CHIC2: variants seen among roughly 807,000 people sequenced by gnomAD.
CHIC2 encodes cysteine rich hydrophobic domain 2, also known as cysteine-rich hydrophobic domain-containing protein 2.
In CHIC2, 14 loss-of-function variants were observed where a neutral mutation model predicts 25.9. The observed-to-expected ratio is 0.54, with a 90% CI of 0.36 to 0.85. The LOEUF (loss-of-function observed/expected upper bound fraction) is 0.85, where lower values mean the gene tolerates loss of function less well. CHIC2 is among the 40% of genes least tolerant of loss of function. The pLI is 0.01. For synonymous variants in CHIC2, 70 were observed against 72.0 expected (o/e 0.97, Z 0.14); for missense variants, 146 against 202.0 (o/e 0.72, Z 1.68).
At chr4:54,026,886 T>C (rs1381810721) in intron 3 of CHIC2, among the ~76,000 whole-genome samples, 6 of 152,224 alleles carry the variant, frequency 3.9e-5, no homozygotes, top group African/African-American at 1.4e-4. Flanking sequence ...CATACATTTG[T>C]TGTTAATTTC....
At chr4:54,011,744 G>C (rs1715597933) in intron 5 of CHIC2, among the ~76,000 whole-genome samples, 1 of 151,794 alleles carries the variant, frequency 6.6e-6, no homozygotes, top group Non-Finnish European at 1.5e-5. Flanking sequence ...GCCACACATA[G>C]AGACTGGCCA....
At chr4:54,063,358 A>C (rs1457992510) in intron 1 of CHIC2, among the ~76,000 whole-genome samples, 2 of 152,192 alleles carry the variant, frequency 1.3e-5, no homozygotes, top group Non-Finnish European at 2.9e-5. Flanking sequence ...AAACATTACA[A>C]AACTTCCTGC....
chr4:54,035,290 T>C (rs1460871750), intron 3 of CHIC2, among the ~76,000 whole-genome samples: 1 of 152,220 alleles, frequency 6.6e-6, no homozygotes, highest in Non-Finnish European at 1.5e-5. Flanking sequence ...CTTGATTTTC[T>C]AGAAGAGTTT....
intron 3 of CHIC2, among the ~76,000 whole-genome samples, chr4:54,027,092 A>C (rs1716084660): frequency 6.6e-6 from 1 of 152,214 alleles, no homozygotes. Flanking sequence ...CTGGATGAAA[A>C]AACGAAGAAT....
At chr4:54,074,094 G>A in the CHIC2 span, among the ~76,000 whole-genome samples, 12 of 152,068 alleles carry the variant, frequency 7.9e-5, no homozygotes, top group Non-Finnish European at 4.4e-5. Context: ...GGAGGCGGAG[G>A]TTGCAGTGAG....
chr4:54,033,432 T>C (rs907246880), intron 3 of CHIC2, among the ~76,000 whole-genome samples: 4 of 152,194 alleles, frequency 2.6e-5, no homozygotes, highest in Admixed American at 6.5e-5. Flanking sequence ...CTTTATATAT[T>C]CTGGACAAAA....
chr4:54,018,011 G>C (rs999392983), intron 3 of CHIC2, among the ~76,000 whole-genome samples: 1 of 152,142 alleles, frequency 6.6e-6, no homozygotes, highest in African/African-American at 2.4e-5. Context: ...TGAGCAACAA[G>C]TAGTAGTAAC....
intron 3 of CHIC2, among the ~76,000 whole-genome samples, chr4:54,030,938 A>G (rs1403360567): frequency 6.6e-6 from 1 of 151,096 alleles, no homozygotes; most frequent in African/African-American, 2.4e-5. Context: ...CAGTGGCGCA[A>G]TCTTGGCTCA....
In CHIC2 at chr4:54,019,650, G is replaced by T. The variant is rs1336124154; in HGVS notation, c.331-5531C>A. 2.0e-5 allele frequency among the ~76,000 whole-genome samples: 3 copies of T among 152,060 alleles called. No individual in the cohort carries two copies. The East Asian group carries it at 5.8e-4, about 29-fold the overall frequency. On this transcript the variant is annotated intron_variant, in intron 3 of 5. Transcript: ENST00000263921. ...CACAAACATGCACAATTTAAAGGGG[G>T]TTATCTACTAACTCTGAGTACCATT...
intron 5 of CHIC2, among the ~76,000 whole-genome samples, 156 bp from the exon 6 acceptor site, chr4:54,010,301 T>C (rs1715545999): frequency 6.6e-6 from 1 of 152,094 alleles, no homozygotes; most frequent in South Asian, 2.1e-4. Flanking sequence ...AATGCAGAGT[T>C]CCATCACTGA....
intron 3 of CHIC2, among the ~76,000 whole-genome samples, chr4:54,023,750 T>G (rs540258898): frequency 6.6e-6 from 1 of 152,314 alleles, no homozygotes; most frequent in African/African-American, 2.4e-5. Context: ...CAAGGCGAAC[T>G]CATGCCTTAA....
chr4:54,057,055 A>T (rs1406011882), intron 1 of CHIC2, among the ~76,000 whole-genome samples: 1 of 152,164 alleles, frequency 6.6e-6, no homozygotes, highest in Non-Finnish European at 1.5e-5. Flanking sequence ...CAGTTATTTA[A>T]CCTCAGCCTA....
intron 3 of CHIC2, among the ~76,000 whole-genome samples, chr4:54,033,492 C>A (rs2110073104): frequency 6.6e-6 from 1 of 152,208 alleles, no homozygotes; most frequent in South Asian, 2.1e-4. Context: ...TCTTTAAATC[C>A]TCCAATAGTT....
Position 54,064,565 on chromosome 4 carries a change from A to G in CHIC2, c.-265T>C. On this transcript the variant is annotated 5_prime_UTR_variant, in exon 1 of 6. Transcript: ENST00000263921. This position sits in a 1 kb window ranked among gnomAD's most constrained non-coding sequence, Gnocchi z 4.2. ...GAGGCCGACACCTCCACAAGCACAG[A>G]CGCCGCTGCCGCCGCCGCAGCAGCA... is the stretch of plus-strand genomic sequence containing the variant. 1 of 1,276,130 alleles carries G rather than the reference A, an allele frequency of 7.8e-7. No homozygotes were observed. Among genetic ancestry groups the G allele is most frequent in the South Asian group, 1.9e-5 (1 of 51,340 alleles). The allele number at this position is 1,276,130 out of a possible 1,614,324, so 79.1% of individuals were successfully genotyped here.
chr4:54,037,998 C>CTACACATTTTTAT (rs1716445700), intron 3 of CHIC2, among the ~76,000 whole-genome samples: 1 of 151,730 alleles, frequency 6.6e-6, no homozygotes, highest in Non-Finnish European at 1.5e-5. Flanking sequence ...AAATTATATC[C>CTACACATTTTTAT]AAAGCAAGGA....
At chr4:54,034,946 A>G (rs574358498) in intron 3 of CHIC2, among the ~76,000 whole-genome samples, 2 of 152,310 alleles carry the variant, frequency 1.3e-5, no homozygotes, top group Admixed American at 6.5e-5. Flanking sequence ...TCAAGTATAC[A>G]TGCTGGATTT....
At position 54,064,371 on chromosome 4, in the gene CHIC2, G is replaced by C; in HGVS notation, c.-71C>G. 6.3e-7 allele frequency: 1 copy of C among 1,585,732 alleles called. No homozygotes were observed. The highest frequency in any genetic ancestry group is 8.6e-7 in the Non-Finnish European group (1 of 1,166,894). ...TTGGCGCCGGGGTACCGGCGGGCGAGGCGGCGGAGGCTGAGGGGAGTCGCC... is the reference window on the plus strand; with the variant it reads ...TTGGCGCCGGGGTACCGGCGGGCGACGCGGCGGAGGCTGAGGGGAGTCGCC... On this transcript the variant is annotated 5_prime_UTR_variant, in exon 1 of 6. Coordinates refer to ENST00000263921, the MANE Select transcript of CHIC2 (RefSeq NM_012110.4). This position sits in a 1 kb window ranked among gnomAD's most constrained non-coding sequence, Gnocchi z 4.2.
intron 1 of CHIC2, chr4:54,060,432 A>T (rs1278728243): frequency 6.6e-6 from 1 of 152,174 alleles, no homozygotes; most frequent in African/African-American, 2.4e-5. Flanking sequence ...AACAAACCTC[A>T]GCAAAATAAC....
At chr4:54,067,927 C>CT (rs985761871), upstream of CHIC2, among the ~76,000 whole-genome samples, 4 of 151,144 alleles carry the variant, frequency 2.6e-5, no homozygotes, top group Non-Finnish European at 5.9e-5. Flanking sequence ...TGTCCCCCCC[C>CT]CCAAATTCAT....
Sources: gnomAD v4.1 joint callset for allele counts (sites outside exome capture counted in the v4.1 genomes callset) on GRCh38, gnomAD v4.1.1 for gene constraint, Gnocchi (gnomAD v3.1) non-coding constraint, MANE v1.5 for transcripts, NCBI Gene and HGNC (gene_info 2026-07-23, HGNC 2026-07-21) for gene names.